The following ASIC2 variants were observed in gnomAD, a reference collection of about 807,000 sequenced individuals.
ASIC2 encodes the protein acid sensing ion channel subunit 2.
Under a neutral mutation model 57.3 loss-of-function variants are expected in ASIC2, and 25 were observed. The observed-to-expected ratio is 0.44, with a 90% CI of 0.32 to 0.61. The LOEUF (loss-of-function observed/expected upper bound fraction) is 0.61. ASIC2 is among the 20% of genes least tolerant of loss of function. The pLI is 0.06. For synonymous variants in ASIC2, 319 were observed against 307.5 expected (o/e 1.04, Z -0.39); for missense variants, 641 against 738.1 (o/e 0.87, Z 1.52).
intron 1 of ASIC2, among the ~76,000 whole-genome samples, chr17:33,863,200 A>T (rs1054112976): frequency 6.6e-6 from 1 of 152,268 alleles, no homozygotes; most frequent in African/African-American, 2.4e-5. Flanking sequence ...AGCTTGCAGC[A>T]GTAGCCTGGC....
At chr17:33,796,781 A>G (rs2142140919) in intron 1 of ASIC2, among the ~76,000 whole-genome samples, 1 of 152,266 alleles carries the variant, frequency 6.6e-6, no homozygotes, top group Non-Finnish European at 1.5e-5. Context: ...CCATACAGAG[A>G]AACTTGGGGC....
At position 33,365,744 on chromosome 17, in the gene ASIC2, T is replaced by A. The variant is rs369160496; in HGVS notation, c.556-253677A>T. On this transcript the variant is annotated intron_variant, in intron 1 of 9. Transcript: ENST00000359872. ...AAAAAAAAAACCTTACTTTATCCCC[T>A]TTTTATTTCATTTCCCATAATTCCA... is the stretch of plus-strand genomic sequence containing the variant. Among the ~76,000 whole-genome samples the A allele has an allele frequency of 5.3e-5, 8 of 152,304 alleles. 1 individual carries two copies. The East Asian group carries it at 1.4e-3, about 26-fold the overall frequency.
At chr17:33,099,095 C>A (rs543198660) in intron 2 of ASIC2, among the ~76,000 whole-genome samples, 50 of 152,032 alleles carry the variant, frequency 3.3e-4, no homozygotes, top group African/African-American at 1.2e-3. Flanking sequence ...CAGGTTCAAG[C>A]GACTCTCCTG....
chr17:33,669,461 T>TAGAC (rs763587888), intron 1 of ASIC2, among the ~76,000 whole-genome samples: 8 of 152,174 alleles, frequency 5.3e-5, no homozygotes, highest in Admixed American at 6.5e-5. Flanking sequence ...GGCAGGTAGA[T>TAGAC]AGACAGACAG....
intron 1 of ASIC2, chr17:33,834,477 G>C (rs1913211919): frequency 6.6e-6 from 1 of 152,186 alleles, no homozygotes; most frequent in Non-Finnish European, 1.5e-5. Flanking sequence ...TGTCTCATGT[G>C]AATCACGACA....
At chr17:33,180,270 G>T (rs1479738903) in intron 1 of ASIC2, among the ~76,000 whole-genome samples, 1 of 152,208 alleles carries the variant, frequency 6.6e-6, no homozygotes, top group Non-Finnish European at 1.5e-5. Flanking sequence ...TTCAGTTAAA[G>T]GAGGTAATTT....
At chr17:33,234,140 G>A (rs116249857) in intron 1 of ASIC2, among the ~76,000 whole-genome samples, 6,379 of 152,284 alleles carry the variant, frequency 0.042, 398 homozygotes, top group African/African-American at 0.13. Context: ...CAGAATGCCT[G>A]GAGCGATTTT....
intron 1 of ASIC2, among the ~76,000 whole-genome samples, chr17:34,067,737 C>T (rs1354694647): frequency 6.6e-6 from 1 of 152,132 alleles, no homozygotes; most frequent in Non-Finnish European, 1.5e-5. Context: ...ATGAGGAAAT[C>T]TTTAAATGGC....
At chr17:33,336,041 G>T (rs1907501742) in intron 1 of ASIC2, among the ~76,000 whole-genome samples, 1 of 152,122 alleles carries the variant, frequency 6.6e-6, no homozygotes, top group African/African-American at 2.4e-5. Context: ...CTGTGGAGGG[G>T]TGAGGGGCTG....
intron 1 of ASIC2, among the ~76,000 whole-genome samples, chr17:33,812,357 G>A (rs1359386704): frequency 6.6e-6 from 1 of 152,166 alleles, no homozygotes; most frequent in East Asian, 1.9e-4. Flanking sequence ...CACAAGTCTA[G>A]GTCTAAACAG....
intron 1 of ASIC2, among the ~76,000 whole-genome samples, chr17:33,836,088 A>ATAATT (rs2044315515): frequency 6.8e-6 from 1 of 146,740 alleles, no homozygotes; most frequent in South Asian, 2.2e-4. Context: ...ACACACATAT[A>ATAATT]TAATTATCTC....
intron 1 of ASIC2, among the ~76,000 whole-genome samples, chr17:33,260,667 G>C (rs1597655339): frequency 6.6e-6 from 1 of 152,176 alleles, no homozygotes; most frequent in Admixed American, 6.5e-5. Flanking sequence ...TGCCATGCCC[G>C]GCTGAACCCT....
At chr17:33,959,331 C>A (rs1904845613) in intron 1 of ASIC2, among the ~76,000 whole-genome samples, 1 of 152,128 alleles carries the variant, frequency 6.6e-6, no homozygotes, top group African/African-American at 2.4e-5. Flanking sequence ...TACCAATTTA[C>A]AGTATTAATC....
Position 33,246,187 on chromosome 17 carries a change from G to A in ASIC2, c.708+45221C>T, listed in dbSNP as rs576881388. 4.7e-4 allele frequency among the ~76,000 whole-genome samples: 72 copies of A among 152,182 alleles called. 1 individual carries two copies. The highest frequency in any genetic ancestry group is 1.7e-3 in the African/African-American group (70 of 41,506). On this transcript the variant is annotated intron_variant, in intron 1 of 9. Coordinates refer to ENST00000225823, the MANE Select transcript of ASIC2 (RefSeq NM_183377.2). ...CTGTGGGTTCAGAATAGATATTGAT[G>A]GTGGAGTTGGCCTAATTGGCTGGGG...
At chr17:33,822,866 T>C (rs1163959097) in intron 1 of ASIC2, among the ~76,000 whole-genome samples, 3 of 152,228 alleles carry the variant, frequency 2.0e-5, no homozygotes, top group African/African-American at 7.2e-5. Context: ...CTCGCTCTGT[T>C]GAAAGCAGCA....
rs73984026 is a variant in ASIC2 at position 33,583,611 on chromosome 17, G to A, written c.556-471544C>T. On this transcript the variant is annotated intron_variant, in intron 1 of 9. Coordinates refer to the ASIC2 transcript ENST00000359872. ...CAAACTCCAAGACAATGCCTGTCCT[G>A]TTTAGGCCAGTGTTTTGCATCGGTG... Among the ~76,000 whole-genome samples the A allele has an allele frequency of 1.9e-3, 295 of 152,274 alleles. 2 individuals are homozygous for A. The highest frequency in any genetic ancestry group is 6.5e-3 in the African/African-American group (269 of 41,534).
At chr17:34,017,959 C>A (rs1907027015) in intron 1 of ASIC2, among the ~76,000 whole-genome samples, 2 of 152,170 alleles carry the variant, frequency 1.3e-5, no homozygotes, top group African/African-American at 4.8e-5. Context: ...GAAGATCTAG[C>A]TAAAATAATT....
At chr17:33,592,235 A>C (rs1352386962) in intron 1 of ASIC2, among the ~76,000 whole-genome samples, 2 of 152,218 alleles carry the variant, frequency 1.3e-5, no homozygotes, top group African/African-American at 4.8e-5. Flanking sequence ...TCTGGATTTC[A>C]GGTCACCATT....
chr17:33,534,384 C>T (rs1428865020), intron 1 of ASIC2: 1 of 152,168 alleles, frequency 6.6e-6, no homozygotes, highest in Non-Finnish European at 1.5e-5. Context: ...CCGATGAGAA[C>T]CCTCTCTCTG....
Sources: gnomAD v4.1 joint callset for allele counts (sites outside exome capture counted in the v4.1 genomes callset) on GRCh38, gnomAD v4.1.1 for gene constraint, MANE v1.5 for transcripts, NCBI Gene and HGNC (gene_info 2026-07-23, HGNC 2026-07-21) for gene names.